Variants in UQCRQ observed in about 807,000 individuals in gnomAD.
UQCRQ encodes the protein cytochrome b-c1 complex subunit 8.
Under a neutral mutation model 7.9 loss-of-function variants are expected in UQCRQ, and 9 were observed. That is an observed-to-expected ratio of 1.13 (90% CI 0.68 to 1.98). UQCRQ has a LOEUF of 1.98. Ranked by LOEUF, UQCRQ falls within the 30% of genes most tolerant of loss-of-function variation. UQCRQ has a pLI of 0.00. For synonymous variants in UQCRQ, 50 were observed against 41.9 expected (o/e 1.19, Z -0.75); for missense variants, 112 against 109.7 (o/e 1.02, Z -0.10).
At chr5:132,867,186 C>T (rs1267111280) in intron 2 of UQCRQ, 151 bp downstream of exon 2, 7 of 1,051,430 alleles carry the variant, frequency 6.7e-6, no homozygotes, top group Middle Eastern at 6.1e-4. Context: ...CGCCCTTAAG[C>T]TGGTCATATT....
rs766622698 is a variant in UQCRQ, at chr5:132,867,924, C to T, written c.*342C>T. The T allele has an allele frequency of 9.0e-5, 32 of 356,436 alleles. No individual in the cohort carries two copies. Among genetic ancestry groups the T allele is most frequent in the Non-Finnish European group, 1.5e-4 (28 of 186,084 alleles). The allele number at this position is 356,436 out of a possible 1,614,324, so 22.1% of individuals were successfully genotyped here. A position where few individuals can be genotyped will look rare whatever the true frequency, so the allele number is the denominator to read the frequency against. On this transcript the variant is annotated 3_prime_UTR_variant, in exon 3 of 3. Coordinates refer to ENST00000378670, the MANE Select transcript of UQCRQ (RefSeq NM_014402.5). ...GAGTGCTGGTTCTTGGCCCTCTGCT[C>T]CCATAGCAACAATAAAGTCTACTAA...
At chr5:132,867,336 G>A in intron 2 of UQCRQ, 152 bp from the exon 3 acceptor site, 2 of 740,810 alleles carry the variant, frequency 2.7e-6, no homozygotes, top group East Asian at 2.7e-5. Context: ...TGTGTTAAAC[G>A]TGCAGCAGAT....
Position 132,867,055 on chromosome 5 carries a change from G to A in UQCRQ, c.154+20G>A, listed in dbSNP as rs776797960. On this transcript the variant is annotated intron_variant, in intron 2 of 2. Transcript: ENST00000378670. ...TGCCGCGTGAGTGCCTTGGGCCCGC[G>A]GGAGCGGGAGGCTGGACCCCAGCAG... The A allele has an allele frequency of 5.0e-5, 80 of 1,612,984 alleles. No homozygotes were observed. The highest frequency in any genetic ancestry group is 6.4e-5 in the Non-Finnish European group (76 of 1,179,652).
In UQCRQ at chr5:132,867,978, C is replaced by T. The variant is rs1042957750; in HGVS notation, c.*396C>T. 31 of 231,872 alleles carry T rather than the reference C, an allele frequency of 1.3e-4. No individual in the cohort carries two copies. The highest frequency in any genetic ancestry group is 6.4e-4 in the African/African-American group (28 of 43,986). The allele number at this position is 231,872 out of a possible 1,614,324, so 14.4% of individuals were successfully genotyped here. A position where few individuals can be genotyped will look rare whatever the true frequency, so the allele number is the denominator to read the frequency against. The stretch of plus-strand genomic sequence containing the variant: ...TATTGTAATTAGTATGTGTCAGGGA[C>T]GCTTTTATTTTTTATTTTTTGAGAT... On this transcript the variant is annotated 3_prime_UTR_variant, in exon 3 of 3. Coordinates refer to ENST00000378670, the MANE Select transcript of UQCRQ (RefSeq NM_014402.5).
intron 1 of UQCRQ, 82 bp downstream of exon 1, chr5:132,866,769 G>A: frequency 6.9e-7 from 1 of 1,457,818 alleles, no homozygotes; most frequent in Non-Finnish European, 9.3e-7. Context: ...AAAGGATAAG[G>A]AGTGCAGGGG....
chr5:132,867,093 C>T, intron 2 of UQCRQ, 58 bp downstream of exon 2: 1 of 1,607,160 alleles, frequency 6.2e-7, no homozygotes, highest in South Asian at 1.1e-5. Context: ...GCAGCAGTCA[C>T]TGCGCCTCCC....
chr5:132,866,797 G>A, intron 1 of UQCRQ, 72 bp from the exon 2 acceptor site: 17 of 1,578,274 alleles, frequency 1.1e-5, no homozygotes, highest in Non-Finnish European at 1.5e-5. Context: ...CTGGGGTTGG[G>A]GATGGACCCC....
At position 132,867,365 on chromosome 5, in the gene UQCRQ, G is replaced by T. The variant is rs79323607; in HGVS notation, c.155-123G>T. 0.022 allele frequency: 18,134 copies of T among 807,806 alleles called. 277 individuals carry two copies. Among genetic ancestry groups the T allele is most frequent in the Non-Finnish European group, 0.03 (14,522 of 478,974 alleles). 50.0% of individuals were successfully genotyped at this position (807,806 alleles called of 1,614,324 possible). The stretch of plus-strand genomic sequence containing the variant: ...AGCAGATAGTGATGATAGTTGCATG[G>T]CCTTGGATATGCTAAGAACTACTGA... On this transcript the variant is annotated intron_variant, in intron 2 of 2. Coordinates refer to ENST00000378670, the MANE Select transcript of UQCRQ (RefSeq NM_014402.5).
rs1759694257 is a variant in UQCRQ at position 132,868,257 on chromosome 5, G to GGCGTAAGCC, written c.*676_*684dup. On this transcript the variant is annotated 3_prime_UTR_variant, in exon 3 of 3. Transcript: ENST00000378670. ...AGCCTCCCAAAGTGCTGGGATTACA[G>GGCGTAAGCC]GCGTAAGCCATGGTGCTCTGGGCCT... Among the ~76,000 whole-genome samples, 1 of 152,260 alleles carries GGCGTAAGCC rather than the reference G, an allele frequency of 6.6e-6. No homozygotes were observed. Among genetic ancestry groups the GGCGTAAGCC allele is most frequent in the African/African-American group, 2.4e-5 (1 of 41,468 alleles).
Position 132,866,953 on chromosome 5 carries a change from G to C in UQCRQ, c.72G>C (p.Gln24His). Residue 24 changes from glutamine to histidine, a missense_variant, in exon 2 of 3, where the codon CAG becomes CAC. Physicochemically the swap from Gln to His is conservative, Grantham distance 24. Transcript: ENST00000378670. The stretch of plus-strand genomic sequence containing the variant: ...GCTACAGCTTGTCACCGTTCGAGCA[G>C]CGCGCCTATCCGCACGTCTTCACTA... ...VISYSLSPFE[Q>H]RAYPHVFTKG... 6.2e-7 allele frequency: 1 copy of C among 1,614,128 alleles called. No homozygotes were observed. Among genetic ancestry groups the C allele is most frequent in the Non-Finnish European group, 8.5e-7 (1 of 1,179,972 alleles).
chr5:132,867,112 G>A, intron 2 of UQCRQ, 77 bp downstream of exon 2: 9 of 1,589,350 alleles, frequency 5.7e-6, no homozygotes, highest in Non-Finnish European at 7.7e-6. Context: ...CCCTCTGAGC[G>A]CTGGCGGCCG....
rs1359401327 is a variant in UQCRQ at position 132,868,385 on chromosome 5, A to G, written c.*803A>G. Reference sequence around the variant, plus strand: ...GGAAATGGGCACAGAGAGATTAAGTAATTTGCCAGAAATTATACAGCAGTG... The same window carrying G: ...GGAAATGGGCACAGAGAGATTAAGTGATTTGCCAGAAATTATACAGCAGTG... On this transcript the variant is annotated 3_prime_UTR_variant, in exon 3 of 3. Coordinates refer to ENST00000378670, the MANE Select transcript of UQCRQ (RefSeq NM_014402.5). 2.6e-5 allele frequency among the ~76,000 whole-genome samples: 4 copies of G among 152,210 alleles called. No individual in the cohort carries two copies. The highest frequency in any genetic ancestry group is 5.9e-5 in the Non-Finnish European group (4 of 68,036).
chr5:132,866,710 T>G (rs556365759), intron 1 of UQCRQ, 23 bp downstream of exon 1: 68 of 773,002 alleles, frequency 8.8e-5, no homozygotes, highest in Non-Finnish European at 1.3e-4. Flanking sequence ...GGTCTGGTTG[T>G]GCAGTGTTCG....
intron 2 of UQCRQ, 32 bp from the exon 3 acceptor site, chr5:132,867,452 ATGTG>A (rs1487161337): frequency 1.6e-5 from 25 of 1,539,102 alleles, no homozygotes; most frequent in Non-Finnish European, 2.2e-5. Flanking sequence ...TATGTCTTAT[ATGTG>A]TGCTCTCTGT....
chr5:132,867,474 C>G lies in UQCRQ; in HGVS notation c.155-14C>G, dbSNP rs373451729. 3 of 1,606,670 alleles carry G rather than the reference C, an allele frequency of 1.9e-6. No individual in the cohort carries two copies. The highest frequency in any genetic ancestry group is 2.7e-5 in the African/African-American group (2 of 74,730). ...TATATGTGTGCTCTCTGTTTACTCT[C>G]TTAATTTTTAAAGAGTTTGTAGTGT... On this transcript the variant is annotated splice_polypyrimidine_tract_variant and intron_variant, in intron 2 of 2. Transcript: ENST00000378670.
intron 1 of UQCRQ, 59 bp from the exon 2 acceptor site, chr5:132,866,810 C>G: frequency 6.3e-7 from 1 of 1,593,434 alleles, no homozygotes; most frequent in East Asian, 2.2e-5. Flanking sequence ...TGGACCCCCG[C>G]GGGGACTGCG....
In UQCRQ at chr5:132,866,805, C is replaced by T. The variant is rs1581255228; in HGVS notation, c.-13-64C>T. 1.7e-5 allele frequency: 27 copies of T among 1,588,434 alleles called. No homozygotes were observed. In the East Asian group the frequency reaches 6.1e-4, roughly 36 times the overall value. On this transcript the variant is annotated intron_variant, in intron 1 of 2. Transcript: ENST00000378670. The stretch of plus-strand genomic sequence containing the variant: ...CAGGAGTCTGGGGTTGGGGATGGAC[C>T]CCCGCGGGGACTGCGGCGCTTCGCG...
rs760167429 is a variant in UQCRQ, at chr5:132,867,535, G to A, written c.202G>A (p.Glu68Lys). Residue 68 changes from glutamate (E) to lysine (K), a missense_variant, in exon 3 of 3, where the codon GAG (glutamate) becomes AAG (lysine). Coordinates refer to ENST00000378670, the MANE Select transcript of UQCRQ (RefSeq NM_014402.5). Reference protein sequence around the residue: ...LIYTWGTEEFERSKRKNPAAY... With the variant: ...LIYTWGTEEFKRSKRKNPAAY... Reference sequence around the variant, plus strand: ...CTACACATGGGGGACTGAAGAGTTCGAGAGATCCAAGAGGAAGAATCCAGC... The same window carrying A: ...CTACACATGGGGGACTGAAGAGTTCAAGAGATCCAAGAGGAAGAATCCAGC... The A allele has an allele frequency of 1.4e-5, 22 of 1,613,946 alleles. No homozygotes were observed. Among genetic ancestry groups the A allele is most frequent in the African/African-American group, 1.3e-5 (1 of 74,888 alleles).
intron 2 of UQCRQ, 24 bp from the exon 3 acceptor site, chr5:132,867,464 T>C (rs753263297): frequency 1.3e-6 from 2 of 1,588,574 alleles, no homozygotes; most frequent in Non-Finnish European, 1.7e-6. Flanking sequence ...GTGTGCTCTC[T>C]GTTTACTCTC....
Sources: allele counts gnomAD v4.1 joint callset (sites outside exome capture counted in the v4.1 genomes callset), GRCh38; gene constraint gnomAD v4.1.1; transcripts MANE v1.5; gene names NCBI Gene and HGNC (gene_info 2026-07-23, HGNC 2026-07-21).